Variants in GPATCH2L observed in about 807,000 individuals in gnomAD.
GPATCH2L encodes G patch domain-containing protein 2-like.
A neutral mutation model predicts 57.4 loss-of-function variants in GPATCH2L; 31 were observed. The ratio of observed to expected loss-of-function variants is 0.54; its 90% CI spans 0.41 to 0.73. GPATCH2L has a LOEUF of 0.73. GPATCH2L is among the 30% of genes least tolerant of loss of function. The pLI is 0.00. For synonymous variants in GPATCH2L, 199 were observed against 210.7 expected (o/e 0.94, Z 0.48); for missense variants, 481 against 599.9 (o/e 0.80, Z 2.07).
chr14:76,191,934 C>T (rs926341384), intron 8 of GPATCH2L, among the ~76,000 whole-genome samples: 2 of 151,934 alleles, frequency 1.3e-5, no homozygotes, highest in African/African-American at 4.8e-5. Flanking sequence ...TTCTCTATCC[C>T]TTCCTTCCCC....
At chr14:76,215,198 A>G (rs1417427955), downstream of GPATCH2L, among the ~76,000 whole-genome samples, 1 of 152,162 alleles carries the variant, frequency 6.6e-6, no homozygotes, top group African/African-American at 2.4e-5. Context: ...GAGAAATGCA[A>G]ATCAAAACCA....
intron 9 of GPATCH2L, among the ~76,000 whole-genome samples, chr14:76,196,853 T>G (rs1405869196): frequency 1.3e-5 from 2 of 152,064 alleles, no homozygotes; most frequent in East Asian, 3.9e-4. Context: ...TACCTTAACT[T>G]AGTAAGTTTT....
At chr14:76,199,629 T>C (rs2139820685) in intron 9 of GPATCH2L, among the ~76,000 whole-genome samples, 1 of 152,288 alleles carries the variant, frequency 6.6e-6, no homozygotes, top group African/African-American at 2.4e-5. Context: ...TTCCTGCTCA[T>C]TAGGATGGCT....
At chr14:76,163,280 A>G (rs2038682677) in intron 2 of GPATCH2L, among the ~76,000 whole-genome samples, 2 of 152,216 alleles carry the variant, frequency 1.3e-5, no homozygotes, top group Admixed American at 6.5e-5. Context: ...ATAATAATTA[A>G]TATAAAGTGC....
At chr14:76,195,851 C>T in intron 8 of GPATCH2L, 27 bp from the exon 9 acceptor site, 1 of 1,544,574 alleles carries the variant, frequency 6.5e-7, no homozygotes, top group South Asian at 1.1e-5. Context: ...AAAGTTCAAA[C>T]CATTTTTCTT....
At chr14:76,172,634 G>A (rs1566787063) in intron 4 of GPATCH2L, among the ~76,000 whole-genome samples, 1 of 152,172 alleles carries the variant, frequency 6.6e-6, no homozygotes, top group Non-Finnish European at 1.5e-5. Context: ...ATTTTCCTGG[G>A]ATGACAGGGT....
At chr14:76,196,400 C>T in intron 9 of GPATCH2L, 1 of 257,262 alleles carries the variant, frequency 3.9e-6, no homozygotes, top group African/African-American at 2.2e-5. Context: ...TCATGACATT[C>T]CTAATTAAAA....
intron 2 of GPATCH2L, among the ~76,000 whole-genome samples, chr14:76,155,716 C>T (rs1397755807): frequency 6.6e-6 from 1 of 152,084 alleles, no homozygotes; most frequent in Non-Finnish European, 1.5e-5. Flanking sequence ...TCAGATAGTC[C>T]TAGGAACATT....
At chr14:76,215,840 G>A (rs199586300), downstream of GPATCH2L, among the ~76,000 whole-genome samples, 5 of 150,964 alleles carry the variant, frequency 3.3e-5, no homozygotes, top group South Asian at 2.2e-4. Flanking sequence ...TGGGTGCAGC[G>A]CACCAGCATG....
downstream of GPATCH2L, among the ~76,000 whole-genome samples, chr14:76,218,014 G>T (rs2040497106): frequency 1.3e-5 from 2 of 152,138 alleles, no homozygotes; most frequent in South Asian, 4.1e-4. Flanking sequence ...GCTAAATGAG[G>T]CTTATTTCAG....
At chr14:76,166,477 TCTC>T (rs1320289508) in intron 2 of GPATCH2L, among the ~76,000 whole-genome samples, 183 bp from the exon 3 acceptor site, 2 of 152,244 alleles carry the variant, frequency 1.3e-5, no homozygotes, top group Non-Finnish European at 2.9e-5. Context: ...ATTTTAGAAT[TCTC>T]CTCTTATATT....
At chr14:76,169,096 C>A (rs1360200470) in intron 3 of GPATCH2L, among the ~76,000 whole-genome samples, 1 of 152,156 alleles carries the variant, frequency 6.6e-6, no homozygotes, top group Non-Finnish European at 1.5e-5. Flanking sequence ...AGTACTGTCT[C>A]CACCTTTGTG....
chr14:76,217,062 T>A (rs1226406085), downstream of GPATCH2L, among the ~76,000 whole-genome samples: 2 of 152,224 alleles, frequency 1.3e-5, no homozygotes, highest in East Asian at 3.9e-4. Context: ...TGATGAGAGA[T>A]TTAATTGTAC....
chr14:76,228,367 G>T (rs1232247585), intron 1 of GPATCH2L, among the ~76,000 whole-genome samples: 1 of 152,192 alleles, frequency 6.6e-6, no homozygotes. Flanking sequence ...GCGCGTGTGT[G>T]TGTACACAAA....
At chr14:76,163,107 G>T (rs2038672273) in intron 2 of GPATCH2L, among the ~76,000 whole-genome samples, 1 of 152,182 alleles carries the variant, frequency 6.6e-6, no homozygotes, top group Non-Finnish European at 1.5e-5. Context: ...CTGTGTTGTA[G>T]TGGCCCTTCA....
intron 7 of GPATCH2L, among the ~76,000 whole-genome samples, chr14:76,180,496 G>A (rs928415492): frequency 1.3e-5 from 2 of 152,148 alleles, no homozygotes; most frequent in African/African-American, 4.8e-5. Flanking sequence ...ACTGTCTTCT[G>A]CCATTTAAGT....
At position 76,208,457 on chromosome 14, in the gene GPATCH2L, A is replaced by G. The variant is rs1471418608; in HGVS notation, c.*6606A>G. On this transcript the variant is annotated 3_prime_UTR_variant, in exon 10 of 10. Transcript: ENST00000261530. Reference sequence around the variant, plus strand: ...CCTCCTGTTGTCAGCAGCTTATTGCAAACTGGCCATTCTAAACCCTTTTAC... The same window carrying G: ...CCTCCTGTTGTCAGCAGCTTATTGCGAACTGGCCATTCTAAACCCTTTTAC... 6.6e-6 allele frequency: 1 copy of G among 152,008 alleles called. No individual in the cohort carries two copies. The highest frequency in any genetic ancestry group is 1.5e-5 in the Non-Finnish European group (1 of 67,974). The allele number at this position is 152,008 out of a possible 1,614,324, so 9.4% of individuals were successfully genotyped here. A position where few individuals can be genotyped will look rare whatever the true frequency, so the allele number is the denominator to read the frequency against.
At chr14:76,198,056 T>C (rs1194604347) in intron 9 of GPATCH2L, among the ~76,000 whole-genome samples, 1 of 151,992 alleles carries the variant, frequency 6.6e-6, no homozygotes, top group Non-Finnish European at 1.5e-5. Flanking sequence ...CCTTGCCTTT[T>C]TGTACTAATA....
intron 7 of GPATCH2L, chr14:76,179,014 C>T (rs1468481642): frequency 6.6e-6 from 1 of 150,644 alleles, no homozygotes; most frequent in African/African-American, 2.4e-5. Context: ...AATAGATGAA[C>T]ACTGACAGGT....
Sources: gnomAD v4.1 joint callset for allele counts (sites outside exome capture counted in the v4.1 genomes callset) on GRCh38, gnomAD v4.1.1 for gene constraint, MANE v1.5 for transcripts, NCBI Gene and HGNC (gene_info 2026-07-23, HGNC 2026-07-21) for gene names.